Variants in RYR1 observed in about 807,000 individuals in gnomAD.
RYR1 encodes ryanodine receptor 1, also known as central core disease of muscle.
Under a neutral mutation model 583.5 loss-of-function variants are expected in RYR1, and 342 were observed. The ratio of observed to expected loss-of-function variants is 0.59; its 90% confidence interval spans 0.54 to 0.64. RYR1 has a LOEUF of 0.64. Among genes scored for constraint, RYR1 ranks in the 30% least tolerant of loss-of-function variants. RYR1 has a pLI of 0.00. For missense variants in RYR1, 6,032 were observed against 6,917.2 expected (o/e 0.87, Z 4.54); for synonymous variants, 2,791 against 2,822.5 (o/e 0.99, Z 0.35).
rs748805324 is a variant in RYR1 at position 38,494,500 on chromosome 19, G to A, written c.6423G>A (p.Ala2141=). Residue 2141 remains alanine, a synonymous_variant, in exon 39 of 106, where the codon GCG becomes GCA. Transcript: ENST00000359596. The part of the protein sequence containing the change: ...LGELLRALPR[A]YTISPSSVED... ...AGCTGCTGCGTGCCCTGCCGCGGGCGTACACCATCTCACCGTCCTCCGTGG... is the reference window on the plus strand; with the variant it reads ...AGCTGCTGCGTGCCCTGCCGCGGGCATACACCATCTCACCGTCCTCCGTGG... 7.4e-6 allele frequency: 12 copies of A among 1,613,430 alleles called. No homozygotes were observed. Among genetic ancestry groups the A allele is most frequent in the South Asian group, 2.2e-5 (2 of 91,060 alleles).
At position 38,485,938 on chromosome 19, in the gene RYR1, C is replaced by G; in HGVS notation, c.5283C>G (p.Gly1761=). The change falls in exon 34 of 106, where the codon GGC becomes GGG. Residue 1761 remains glycine, a synonymous_variant. Transcript: ENST00000359596. ...RSTENGHPRH[G]LPGVGVTTSL... ...CAGAAAATGGTCACCCCCGGCATGG[C>G]CTGCCGGGAGTTGGAGTCACCACTT... The G allele has an allele frequency of 1.2e-6, 2 of 1,613,714 alleles. No homozygotes were observed. The highest frequency in any genetic ancestry group is 1.7e-6 in the Non-Finnish European group (2 of 1,179,978).
intron 81 of RYR1, 76 bp from the exon 82 acceptor site, chr19:38,535,921 G>A: frequency 7.5e-7 from 1 of 1,332,114 alleles, no homozygotes; most frequent in Non-Finnish European, 1.1e-6. Context: ...ACCATGGTGG[G>A]GAGCTGCCAG....
rs115703825 is a variant in RYR1, at chr19:38,467,488, C to T, written c.3179-122C>T. Reference sequence around the variant, plus strand: ...TCTCCTCTAACTCCAAGAAATTGACCCTCTTCCAACAGTTCCCCAAAGCCC... The same window carrying T: ...TCTCCTCTAACTCCAAGAAATTGACTCTCTTCCAACAGTTCCCCAAAGCCC... On this transcript the variant is annotated intron_variant, in intron 24 of 105. Transcript: ENST00000359596. The T allele has an allele frequency of 3.5e-3, 3,754 of 1,068,362 alleles. 107 individuals carry two copies. In the African/African-American group the frequency reaches 0.053, roughly 15 times the overall value. 66.2% of individuals were successfully genotyped at this position (1,068,362 alleles called of 1,614,324 possible).
chr19:38,436,901 A>G lies in RYR1; in HGVS notation c.45+3027A>G, dbSNP rs975397480. ...CCTTACCCAGGCTGGGGTTTCTCAA[A>G]CCCTGGCCCAAGTTAGAAGCTCCTG... On this transcript the variant is annotated intron_variant, in intron 1 of 105. Transcript: ENST00000359596. 3.3e-5 allele frequency among the ~76,000 whole-genome samples: 5 copies of G among 151,826 alleles called. No homozygotes were observed. The East Asian group carries it at 9.6e-4, about 29-fold the overall frequency.
At chr19:38,515,377 C>T (rs1161173729) in intron 64 of RYR1, among the ~76,000 whole-genome samples, 1 of 152,114 alleles carries the variant, frequency 6.6e-6, no homozygotes. Flanking sequence ...CACACAGGAG[C>T]CACGCAACAC....
chr19:38,459,470 G>A, intron 19 of RYR1, 132 bp downstream of exon 19: 1 of 848,468 alleles, frequency 1.2e-6, no homozygotes, highest in Non-Finnish European at 1.9e-6. Context: ...CTGGTGTCCA[G>A]AACCCTTACT....
intron 20 of RYR1, 40 bp from the exon 21 acceptor site, chr19:38,463,383 G>A: frequency 6.4e-7 from 1 of 1,567,120 alleles, no homozygotes. Flanking sequence ...GAGGAGGGTA[G>A]AGGGACCTTG....
chr19:38,576,554 G>A (rs1038935000), intron 97 of RYR1, among the ~76,000 whole-genome samples: 2 of 152,180 alleles, frequency 1.3e-5, no homozygotes, highest in Non-Finnish European at 2.9e-5. Context: ...GCACACGCCT[G>A]TAATCCCAGC....
At chr19:38,529,229 C>G (rs1971624095) in intron 76 of RYR1, among the ~76,000 whole-genome samples, 172 bp downstream of exon 76, 1 of 152,242 alleles carries the variant, frequency 6.6e-6, no homozygotes, top group African/African-American at 2.4e-5. Context: ...CGCCTGTAGT[C>G]CCAGCAATCT....
intron 11 of RYR1, 28 bp downstream of exon 11, chr19:38,448,841 G>T: frequency 6.2e-7 from 1 of 1,607,902 alleles, no homozygotes; most frequent in Middle Eastern, 1.9e-4. Context: ...TACTCAGGAG[G>T]CTGAGGTGGG....
chr19:38,561,258 C>T lies in RYR1; in HGVS notation c.12428C>T (p.Ala4143Val), dbSNP rs760743396. The T allele has an allele frequency of 1.2e-5, 19 of 1,614,056 alleles. 1 individual carries two copies. The East Asian group carries it at 4.2e-4, about 36-fold the overall frequency. The change falls in exon 90 of 106, where the codon GCG becomes GTG. Residue 4143 changes from alanine (A) to valine (V), a missense_variant. Around this residue, in one of 11 missense-constraint regions of RYR1, gnomAD observed 753 missense variants for 759.6 expected, o/e 0.99. Transcript: ENST00000359596. This position sits in a 1 kb window ranked among gnomAD's most constrained non-coding sequence, Gnocchi z 4.8. ...EPARDIGFNVAVLLTNLSEHV... is the reference protein window; with the variant it reads ...EPARDIGFNVVVLLTNLSEHV... ...GCACGCGACATCGGCTTCAACGTGGCGGTGCTGCTGACCAACCTGTCGGAG... is the reference window on the plus strand; with the variant it reads ...GCACGCGACATCGGCTTCAACGTGGTGGTGCTGCTGACCAACCTGTCGGAG...
At chr19:38,467,505 C>G (rs1968171725) in intron 24 of RYR1, 105 bp from the exon 25 acceptor site, 2 of 1,239,350 alleles carry the variant, frequency 1.6e-6, no homozygotes, top group East Asian at 4.6e-5. Context: ...CAACAGTTCC[C>G]CAAAGCCCTT....
At chr19:38,470,061 G>A (rs1968337685) in intron 27 of RYR1, among the ~76,000 whole-genome samples, 1 of 151,940 alleles carries the variant, frequency 6.6e-6, no homozygotes. Flanking sequence ...AGCTACTTAG[G>A]GGGCTGAGGC....
At chr19:38,579,882 A>G (rs1974120601) in intron 99 of RYR1, 100 bp from the exon 100 acceptor site, 2 of 1,524,528 alleles carry the variant, frequency 1.3e-6, no homozygotes, top group African/African-American at 1.4e-5. Flanking sequence ...CTGGCACCCG[A>G]CCCCCAGGGC....
intron 38 of RYR1, among the ~76,000 whole-genome samples, chr19:38,493,540 G>T (rs1969656723): frequency 6.9e-6 from 1 of 145,776 alleles, no homozygotes; most frequent in African/African-American, 2.5e-5. Flanking sequence ...TTTTGAGGCA[G>T]GGTCTCACTG....
In RYR1 at chr19:38,473,546, C is replaced by T. The variant is rs751612770; in HGVS notation, c.3935C>T (p.Pro1312Leu). The change falls in exon 28 of 106, where the codon CCT (proline) becomes CTT (leucine). Residue 1312 changes from proline to leucine, a missense_variant. Around this residue, in one of 11 missense-constraint regions of RYR1, gnomAD observed 2,627 missense variants for 2,961.3 expected, o/e 0.89. Transcript: ENST00000359596. ...GCAGGGGCCACCCCGCTGGCACCTC[C>T]TGGCCTGCAGCCCCCCGCCGAGGAC... ...CTAGATPLAP[P>L]GLQPPAEDEA... 2 of 1,604,980 alleles carry T rather than the reference C, an allele frequency of 1.2e-6. No individual in the cohort carries two copies. Among genetic ancestry groups the T allele is most frequent in the Non-Finnish European group, 1.7e-6 (2 of 1,176,684 alleles).
At chr19:38,481,537 C>T (rs1164267853) in intron 31 of RYR1, among the ~76,000 whole-genome samples, 1 of 152,126 alleles carries the variant, frequency 6.6e-6, no homozygotes, top group African/African-American at 2.4e-5. Flanking sequence ...CCCAACCCCC[C>T]AGAAATGTAT....
intron 71 of RYR1, 114 bp from the exon 72 acceptor site, chr19:38,526,879 C>T (rs1308742950): frequency 8.9e-7 from 1 of 1,123,824 alleles, no homozygotes; most frequent in Non-Finnish European, 1.3e-6. Flanking sequence ...CCCCCACCCC[C>T]ACCCCAGAAA....
chr19:38,469,282 G>T, intron 26 of RYR1, 23 bp from the exon 27 acceptor site: 1 of 1,612,612 alleles, frequency 6.2e-7, no homozygotes, highest in Non-Finnish European at 8.5e-7. Flanking sequence ...CCTCACCCCT[G>T]CCCATCCATC....
Sources: gnomAD v4.1 joint callset for allele counts (sites outside exome capture counted in the v4.1 genomes callset) on GRCh38, gnomAD v4.1.1 for gene constraint, gnomAD v4.1.1 regional missense constraint, Gnocchi (gnomAD v3.1) non-coding constraint, MANE v1.5 for transcripts, NCBI Gene and HGNC (gene_info 2026-07-23, HGNC 2026-07-21) for gene names.